Variants in NR3C2 observed in about 807,000 individuals in gnomAD.
NR3C2 encodes mineralocorticoid receptor.
NR3C2 carries 15 observed loss-of-function variants against 86.4 expected under a neutral mutation model. The ratio of observed to expected loss-of-function variants is 0.17; its 90% confidence interval spans 0.12 to 0.27. The LOEUF is 0.27. Ranked by LOEUF, NR3C2 falls within the 10% of genes least tolerant of loss-of-function variation. The pLI, the probability that NR3C2 is intolerant of heterozygous loss-of-function variation, is 1.00. For missense variants in NR3C2, 960 were observed against 1,195.6 expected (o/e 0.80, Z 2.91); for synonymous variants, 458 against 450.5 (o/e 1.02, Z -0.21).
chr4:148,407,412 T>C (rs1011611401), intron 2 of NR3C2, among the ~76,000 whole-genome samples: 2 of 152,254 alleles, frequency 1.3e-5, no homozygotes, highest in African/African-American at 4.8e-5. Flanking sequence ...ATCTTTTTCA[T>C]GTGTTTTCCC....
chr4:148,152,656 T>TA (rs777404410), intron 5 of NR3C2, 43 bp from the exon 6 acceptor site: 1 of 1,600,542 alleles, frequency 6.2e-7, no homozygotes, highest in African/African-American at 1.3e-5. Context: ...ACTTAGCATT[T>TA]AAGTACATTC....
intron 2 of NR3C2, among the ~76,000 whole-genome samples, chr4:148,286,852 A>C (rs1338047834): frequency 6.6e-6 from 1 of 152,234 alleles, no homozygotes; most frequent in East Asian, 1.9e-4. Context: ...TTGTGCCATT[A>C]CTTTACAATC....
At chr4:148,406,945 C>A (rs1435193049) in intron 2 of NR3C2, among the ~76,000 whole-genome samples, 1 of 152,052 alleles carries the variant, frequency 6.6e-6, no homozygotes, top group Non-Finnish European at 1.5e-5. Context: ...ATGTTTTAGC[C>A]TAAGAAAATG....
intron 2 of NR3C2, among the ~76,000 whole-genome samples, chr4:148,331,195 A>C (rs1172261460): frequency 6.6e-6 from 1 of 152,222 alleles, no homozygotes; most frequent in Non-Finnish European, 1.5e-5. Context: ...AAAAGGAAAA[A>C]AAATATGTCA....
At chr4:148,407,166 C>T (rs1748468585) in intron 2 of NR3C2, among the ~76,000 whole-genome samples, 1 of 152,150 alleles carries the variant, frequency 6.6e-6, no homozygotes, top group Non-Finnish European at 1.5e-5. Flanking sequence ...TCAATACTAA[C>T]AACTGTCCAG....
intron 2 of NR3C2, among the ~76,000 whole-genome samples, chr4:148,313,214 G>A (rs1742991885): frequency 6.6e-6 from 1 of 152,124 alleles, no homozygotes; most frequent in Non-Finnish European, 1.5e-5. Flanking sequence ...GGATTATGCA[G>A]ACTTATTCCA....
chr4:148,265,982 G>C (rs914497326), intron 2 of NR3C2, among the ~76,000 whole-genome samples: 2 of 152,110 alleles, frequency 1.3e-5, no homozygotes, highest in African/African-American at 4.8e-5. Flanking sequence ...TTCAGATAGA[G>C]GGAAGTATTA....
At position 148,154,585 on chromosome 4, in the gene NR3C2, C is replaced by A. The variant is rs747431684; in HGVS notation, c.2331G>T (p.Met777Ile). 16 of 1,614,186 alleles carry A rather than the reference C, an allele frequency of 9.9e-6. No homozygotes were observed. In the South Asian group the frequency reaches 1.8e-4, roughly 18 times the overall value. The change falls in exon 5 of 9, where the codon ATG becomes ATT. Residue 777 changes from methionine to isoleucine, a missense_variant. Transcript: ENST00000358102. ...STLNRLAGKQ[M>I]IQVVKWAKVL... ...CCTTTGCCCACTTCACGACTTGGAT[C>A]ATCTGTTTGCCTGCTAAGCGGTTGA...
chr4:148,275,476 G>C (rs11722863), intron 2 of NR3C2, among the ~76,000 whole-genome samples: 16,409 of 151,588 alleles, frequency 0.11, 1,858 homozygotes, highest in African/African-American at 0.29. Flanking sequence ...TGTTGCCCAG[G>C]CTGGAGTGCA....
At chr4:148,366,063 T>C (rs1746097422) in intron 2 of NR3C2, among the ~76,000 whole-genome samples, 1 of 152,184 alleles carries the variant, frequency 6.6e-6, no homozygotes, top group Admixed American at 6.5e-5. Context: ...ATTTCCTAAC[T>C]TCTGCCAATC....
intron 2 of NR3C2, among the ~76,000 whole-genome samples, chr4:148,394,624 C>G (rs1309187374): frequency 6.6e-6 from 1 of 152,004 alleles, no homozygotes; most frequent in East Asian, 1.9e-4. Flanking sequence ...CCTGGGAGGT[C>G]AAGGTTGCAG....
chr4:148,143,887 C>T lies in NR3C2; in HGVS notation c.2510+8582G>A, dbSNP rs374381481. Among the ~76,000 whole-genome samples the T allele has an allele frequency of 1.5e-4, 19 of 127,540 alleles. No homozygotes were observed. The South Asian group carries it at 2.7e-3, about 18-fold the overall frequency. 83.7% of individuals were successfully genotyped at this position (127,540 alleles called of 152,430 possible). A position where few individuals can be genotyped will look rare whatever the true frequency, so the allele number is the denominator to read the frequency against. On this transcript the variant is annotated intron_variant, in intron 6 of 8. Transcript: ENST00000358102. ...CCTTGAACCCGGGAGGCGGAGTTTG[C>T]GGTGAGCCGAGATCGCACCATTGCA...
chr4:148,408,305 G>T (rs1748519793), intron 2 of NR3C2, among the ~76,000 whole-genome samples: 2 of 152,124 alleles, frequency 1.3e-5, no homozygotes, highest in Admixed American at 1.3e-4. Flanking sequence ...ATTGATCAGT[G>T]CTAGCCAGTT....
At chr4:148,280,658 C>A (rs72728463) in intron 2 of NR3C2, among the ~76,000 whole-genome samples, 3 of 151,940 alleles carry the variant, frequency 2.0e-5, no homozygotes, top group Non-Finnish European at 2.9e-5. Context: ...ACCATCACAC[C>A]TAACTAATTT....
intron 3 of NR3C2, among the ~76,000 whole-genome samples, chr4:148,249,979 A>C (rs1434610089): frequency 6.6e-6 from 1 of 152,168 alleles, no homozygotes; most frequent in Non-Finnish European, 1.5e-5. Context: ...GCATGTGCAA[A>C]GGTAATTTTA....
At chr4:148,113,890 G>C (rs1339979211) in intron 8 of NR3C2, among the ~76,000 whole-genome samples, 2 of 152,064 alleles carry the variant, frequency 1.3e-5, no homozygotes, top group Middle Eastern at 3.2e-3. Flanking sequence ...ACTACTCTTG[G>C]CCCATCCTGT....
At chr4:148,163,033 T>C (rs764366101) in intron 4 of NR3C2, among the ~76,000 whole-genome samples, 38 of 152,230 alleles carry the variant, frequency 2.5e-4, no homozygotes, top group Non-Finnish European at 5.3e-4. Context: ...TAAAGAGACA[T>C]TGGCTAAATC....
intron 3 of NR3C2, among the ~76,000 whole-genome samples, chr4:148,252,748 T>C (rs1015751210): frequency 3.9e-5 from 6 of 152,196 alleles, no homozygotes; most frequent in African/African-American, 1.2e-4. Context: ...TTGAGACATA[T>C]ATTCTTTATA....
At chr4:148,367,901 T>G (rs896274247) in intron 2 of NR3C2, among the ~76,000 whole-genome samples, 32 of 150,922 alleles carry the variant, frequency 2.1e-4, no homozygotes, top group Admixed American at 1.5e-3. Flanking sequence ...AAGGGGGATT[T>G]CTGCAAGTTA....
Sources: allele counts gnomAD v4.1 joint callset (sites outside exome capture counted in the v4.1 genomes callset), GRCh38; gene constraint gnomAD v4.1.1; transcripts MANE v1.5; gene names NCBI Gene and HGNC (gene_info 2026-07-23, HGNC 2026-07-21).